FAM171A1: variants seen among roughly 807,000 people sequenced by gnomAD.
The protein encoded by FAM171A1 is protein FAM171A1.
In FAM171A1, 23 loss-of-function variants were observed where a neutral mutation model predicts 74.9. The observed-to-expected ratio is 0.31, with a 90% CI of 0.22 to 0.44. The LOEUF (loss-of-function observed/expected upper bound fraction) is 0.44. Among genes scored for constraint, FAM171A1 ranks in the 20% least tolerant of loss-of-function variants. The pLI is 1.00. For missense variants in FAM171A1, 1,162 were observed against 1,159.2 expected (o/e 1.00, Z -0.03); for synonymous variants, 527 against 505.7 (o/e 1.04, Z -0.57).
chr10:15,340,613 T>G (rs1287999969), intron 1 of FAM171A1, among the ~76,000 whole-genome samples: 2 of 152,138 alleles, frequency 1.3e-5, no homozygotes, highest in Non-Finnish European at 2.9e-5. Context: ...GGCATCCTGT[T>G]AGGAGGAAGG....
chr10:15,347,559 C>T (rs550591332), intron 1 of FAM171A1, among the ~76,000 whole-genome samples: 4 of 152,116 alleles, frequency 2.6e-5, no homozygotes, highest in East Asian at 3.9e-4. Flanking sequence ...AGAATTCGGC[C>T]GGGTGCAGTG....
Position 15,214,610 on chromosome 10 carries a change from A to G in FAM171A1, c.987-9T>C, listed in dbSNP as rs1833944487. 6.4e-7 allele frequency: 1 copy of G among 1,566,264 alleles called. No individual in the cohort carries two copies. Among genetic ancestry groups the G allele is most frequent in the African/African-American group, 1.4e-5 (1 of 73,022 alleles). On this transcript the variant is annotated splice_polypyrimidine_tract_variant and intron_variant, in intron 7 of 7. Coordinates refer to ENST00000378116, the MANE Select transcript of FAM171A1 (RefSeq NM_001010924.2). ...GTTTCAAGCACTTCCTCCTGCGCCC[A>G]AAGACACAATCCAAAGCCAAAGATT...
chr10:15,283,745 T>G, intron 2 of FAM171A1, 133 bp downstream of exon 2: 3 of 805,340 alleles, frequency 3.7e-6, no homozygotes, highest in Non-Finnish European at 6.0e-6. Context: ...CTATGATGCC[T>G]GGCTAATTTT....
rs150860329 is a variant in FAM171A1 at position 15,281,457 on chromosome 10, G to A, written c.325+2421C>T. Among the ~76,000 whole-genome samples the A allele has an allele frequency of 1.1e-3, 167 of 152,294 alleles. 1 individual carries two copies. In the East Asian group the frequency reaches 0.022, roughly 20 times the overall value. The stretch of plus-strand genomic sequence containing the variant: ...CAAGCTCAGAAAGTGCTGATGGGCC[G>A]ATATGTGTGGGGCCAGCCAGGGGTG... On this transcript the variant is annotated intron_variant, in intron 2 of 7. Transcript: ENST00000378116.
At chr10:15,371,554 A>AC (rs569877235), upstream of FAM171A1, among the ~76,000 whole-genome samples, 497 of 150,662 alleles carry the variant, frequency 3.3e-3, 3 homozygotes, top group African/African-American at 0.011. Flanking sequence ...TCTGGGTGTG[A>AC]CCCCCCCACC....
At chr10:15,331,214 T>G (rs1588557697) in intron 1 of FAM171A1, among the ~76,000 whole-genome samples, 1 of 152,172 alleles carries the variant, frequency 6.6e-6, no homozygotes, top group African/African-American at 2.4e-5. Context: ...CACACATGCA[T>G]GCATATATGA....
intron 5 of FAM171A1, among the ~76,000 whole-genome samples, chr10:15,238,114 C>T (rs1834317471): frequency 6.6e-6 from 1 of 152,180 alleles, no homozygotes; most frequent in Non-Finnish European, 1.5e-5. Flanking sequence ...TCCCTTCTTT[C>T]ATTCTAATGT....
chr10:15,262,511 G>A (rs1342945441), intron 3 of FAM171A1, among the ~76,000 whole-genome samples: 2 of 152,170 alleles, frequency 1.3e-5, no homozygotes, highest in Non-Finnish European at 1.5e-5. Context: ...TGAAGCTGCG[G>A]GGAAGTTAGG....
chr10:15,287,416 T>C (rs1260679676), intron 1 of FAM171A1, among the ~76,000 whole-genome samples: 1 of 135,000 alleles, frequency 7.4e-6, no homozygotes, highest in Non-Finnish European at 1.6e-5. Flanking sequence ...TTAGACAGAG[T>C]TTCGCTCTGT....
chr10:15,339,421 A>G (rs1835738324), intron 1 of FAM171A1, among the ~76,000 whole-genome samples: 1 of 152,128 alleles, frequency 6.6e-6, no homozygotes. Context: ...AGTTTCTCAG[A>G]CTGTCCTTGC....
chr10:15,356,242 A>G (rs1835930861), intron 1 of FAM171A1, among the ~76,000 whole-genome samples: 1 of 150,478 alleles, frequency 6.6e-6, no homozygotes, highest in Non-Finnish European at 1.5e-5. Flanking sequence ...AAATACATAC[A>G]TACATATATA....
intron 5 of FAM171A1, among the ~76,000 whole-genome samples, chr10:15,228,109 A>C (rs562166072): frequency 9.1e-4 from 138 of 152,320 alleles, no homozygotes; most frequent in African/African-American, 3.1e-3. Flanking sequence ...ATATGGCCTA[A>C]GGAGATCACA....
intron 1 of FAM171A1, among the ~76,000 whole-genome samples, chr10:15,318,177 G>C (rs979995754): frequency 6.6e-6 from 1 of 152,200 alleles, no homozygotes; most frequent in African/African-American, 2.4e-5. Flanking sequence ...GCTGAAATGT[G>C]ACCAGCAGGA....
At chr10:15,221,090 C>G in intron 5 of FAM171A1, 30 bp from the exon 6 acceptor site, 4 of 1,553,374 alleles carry the variant, frequency 2.6e-6, no homozygotes, top group Non-Finnish European at 3.6e-6. Context: ...ATGTTAGCTA[C>G]AAGCACACCA....
chr10:15,366,570 A>AC (rs370857828), intron 1 of FAM171A1, among the ~76,000 whole-genome samples: 36 of 152,316 alleles, frequency 2.4e-4, no homozygotes, highest in African/African-American at 8.4e-4. Context: ...CTTCTCTATA[A>AC]CTTGATCAAA....
chr10:15,327,577 G>C lies in FAM171A1; in HGVS notation c.97+43379C>G, dbSNP rs145851211. ...GAGGCAGGAGGATCACCTGAGACCA[G>C]GAGGTCAAGGCTGCAGTGAGCCGTG... On this transcript the variant is annotated intron_variant, in intron 1 of 7. Coordinates refer to ENST00000378116, the MANE Select transcript of FAM171A1 (RefSeq NM_001010924.2). Among the ~76,000 whole-genome samples, 652 of 152,294 alleles carry C rather than the reference G, an allele frequency of 4.3e-3. 6 individuals are homozygous for C. The highest frequency in any genetic ancestry group is 0.015 in the African/African-American group (630 of 41,570).
intron 1 of FAM171A1, among the ~76,000 whole-genome samples, chr10:15,318,297 T>C (rs562096412): frequency 1.3e-5 from 2 of 152,272 alleles, no homozygotes; most frequent in East Asian, 1.9e-4. Context: ...GAGAAAGAGA[T>C]TCGGGAATCC....
At position 15,212,358 on chromosome 10, in the gene FAM171A1, T is replaced by C. The variant is rs1026178154; in HGVS notation, c.*557A>G. The C allele has an allele frequency of 1.3e-5, 2 of 156,458 alleles. No individual in the cohort carries two copies. Among genetic ancestry groups the C allele is most frequent in the African/African-American group, 4.8e-5 (2 of 41,452 alleles). The allele number at this position is 156,458 out of a possible 1,614,324, so 9.7% of individuals were successfully genotyped here. ...TCAAATCTTTACAACCAAATTGCATTTAAGCGACAACAAAAAAAGGCAAAC... is the reference window on the plus strand; with the variant it reads ...TCAAATCTTTACAACCAAATTGCATCTAAGCGACAACAAAAAAAGGCAAAC... On this transcript the variant is annotated 3_prime_UTR_variant, in exon 8 of 8. Transcript: ENST00000378116.
chr10:15,278,660 C>T (rs570239652), intron 2 of FAM171A1, among the ~76,000 whole-genome samples: 11 of 152,222 alleles, frequency 7.2e-5, no homozygotes, highest in South Asian at 6.2e-4. Context: ...CAAAAAGCCA[C>T]GTATTCCAAG....
Sources: allele counts gnomAD v4.1 joint callset (sites outside exome capture counted in the v4.1 genomes callset), GRCh38; gene constraint gnomAD v4.1.1; transcripts MANE v1.5; gene names NCBI Gene and HGNC (gene_info 2026-07-23, HGNC 2026-07-21).